ERC2: variants seen among roughly 807,000 people sequenced by gnomAD.
ERC2 encodes ELKS/RAB6-interacting/CAST family member 2.
A neutral mutation model predicts 114.8 loss-of-function variants in ERC2; 42 were observed. The ratio of observed to expected loss-of-function variants is 0.37; its 90% CI spans 0.29 to 0.47. The LOEUF (loss-of-function observed/expected upper bound fraction) is 0.47. Among genes scored for constraint, ERC2 ranks in the 20% least tolerant of loss-of-function variants. ERC2 has a pLI of 0.99. For missense variants in ERC2, 939 were observed against 1,150.7 expected (o/e 0.82, Z 2.66); for synonymous variants, 454 against 425.5 (o/e 1.07, Z -0.82).
At chr3:56,001,516 G>GGA (rs1184838815) in intron 10 of ERC2, among the ~76,000 whole-genome samples, 3 of 152,044 alleles carry the variant, frequency 2.0e-5, no homozygotes, top group African/African-American at 7.2e-5. Context: ...ATTAACTTGA[G>GGA]GAGAAAAGTC....
chr3:56,455,917 T>A (rs1336635999), intron 1 of ERC2, among the ~76,000 whole-genome samples: 1 of 152,220 alleles, frequency 6.6e-6, no homozygotes, highest in African/African-American at 2.4e-5. Flanking sequence ...AGAGGTGGGC[T>A]GAGCCCACAA....
In ERC2 at chr3:55,767,871, T is replaced by C. The variant is rs140401853; in HGVS notation, c.2565-32953A>G. ...GAGTACCAAATGTAGGATGGTGATA[T>C]GGTTTGGATTTGTGTCCCTGCCCAA... On this transcript the variant is annotated intron_variant, in intron 14 of 17. Coordinates refer to ENST00000288221, the MANE Select transcript of ERC2 (RefSeq NM_015576.3). 9.5e-4 allele frequency among the ~76,000 whole-genome samples: 144 copies of C among 152,338 alleles called. 1 individual carries two copies. The highest frequency in any genetic ancestry group is 3.2e-3 in the African/African-American group (133 of 41,590).
intron 10 of ERC2, among the ~76,000 whole-genome samples, chr3:56,003,960 C>T (rs2149553832): frequency 6.6e-6 from 1 of 152,052 alleles, no homozygotes; most frequent in Non-Finnish European, 1.5e-5. Flanking sequence ...GGCTCAATGT[C>T]AAGGTGTACA....
At chr3:55,980,173 G>A (rs1362803090) in intron 12 of ERC2, among the ~76,000 whole-genome samples, 1 of 149,628 alleles carries the variant, frequency 6.7e-6, no homozygotes, top group East Asian at 1.9e-4. Context: ...AAAATCAGCT[G>A]ATTTCTGGGT....
intron 11 of ERC2, among the ~76,000 whole-genome samples, chr3:55,989,540 CT>C (rs1042986771): frequency 6.6e-6 from 1 of 152,184 alleles, no homozygotes; most frequent in African/African-American, 2.4e-5. Flanking sequence ...AGGCTGTATG[CT>C]GGCTGCTTGA....
intron 3 of ERC2, among the ~76,000 whole-genome samples, chr3:56,259,647 TTGATATGATATGATA>T (rs58550092): frequency 1.2e-3 from 174 of 144,100 alleles, no homozygotes; most frequent in Middle Eastern, 0.011. Flanking sequence ...TGGTACAGAT[TTGATATGATATGATA>T]TGATATGATA....
rs377490021 is a variant in ERC2 at position 55,833,482 on chromosome 3, A to T, written c.2564+54907T>A. Among the ~76,000 whole-genome samples, 15 of 152,316 alleles carry T rather than the reference A, an allele frequency of 9.8e-5. No individual in the cohort carries two copies. The East Asian group carries it at 1.5e-3, about 16-fold the overall frequency. ...ACATTCTTAAAGAAAAGAATTTTCAACCCAGAATTTCATATCCAGCCAAAC... is the reference window on the plus strand; with the variant it reads ...ACATTCTTAAAGAAAAGAATTTTCATCCCAGAATTTCATATCCAGCCAAAC... On this transcript the variant is annotated intron_variant, in intron 14 of 17. Transcript: ENST00000288221.
At chr3:55,846,684 T>TCTCC (rs1553702551) in intron 14 of ERC2, among the ~76,000 whole-genome samples, 2 of 131,392 alleles carry the variant, frequency 1.5e-5, no homozygotes, top group African/African-American at 2.9e-5. Context: ...TCTCTCTCTC[T>TCTCC]CTCTCTCTTT....
intron 17 of ERC2, chr3:55,606,568 A>G (rs907482719): frequency 1.3e-5 from 2 of 152,232 alleles, no homozygotes; most frequent in African/African-American, 4.8e-5. Flanking sequence ...CATCATGTGG[A>G]TGATGGACCT....
chr3:55,518,513 GT>G (rs1559587167), intron 17 of ERC2, among the ~76,000 whole-genome samples: 1 of 152,212 alleles, frequency 6.6e-6, no homozygotes, highest in East Asian at 1.9e-4. Context: ...AAGTGAAAAG[GT>G]GAAATCTAGT....
intron 3 of ERC2, among the ~76,000 whole-genome samples, chr3:56,227,875 A>T (rs1313927717): frequency 6.6e-6 from 1 of 152,244 alleles, no homozygotes; most frequent in African/African-American, 2.4e-5. Context: ...AAACAACTAC[A>T]TCATCAACAG....
chr3:55,624,370 T>C (rs1229510644), intron 17 of ERC2, among the ~76,000 whole-genome samples: 1 of 152,094 alleles, frequency 6.6e-6, no homozygotes, highest in African/African-American at 2.4e-5. Context: ...GAACTGACAA[T>C]GTGTCGCCAC....
At chr3:56,420,471 C>A (rs1420544106) in intron 2 of ERC2, among the ~76,000 whole-genome samples, 5 of 151,904 alleles carry the variant, frequency 3.3e-5, no homozygotes, top group Non-Finnish European at 5.9e-5. Context: ...AGCCACCATG[C>A]CTGGCCCAAT....
intron 2 of ERC2, among the ~76,000 whole-genome samples, chr3:56,356,451 A>G (rs1436236475): frequency 1.3e-5 from 2 of 152,156 alleles, no homozygotes; most frequent in Non-Finnish European, 2.9e-5. Context: ...GCCTGGTTCA[A>G]AGTTTGAGTT....
chr3:56,230,772 A>G lies in ERC2; in HGVS notation c.1075-57252T>C, dbSNP rs549322040. The stretch of plus-strand genomic sequence containing the variant: ...ATTTTATTGTTAGAGTAGGAGAAAA[A>G]GATAAACTCAAAATTGTGTCAAAAA... On this transcript the variant is annotated intron_variant, in intron 3 of 17. Transcript: ENST00000288221. 2.6e-5 allele frequency among the ~76,000 whole-genome samples: 4 copies of G among 152,354 alleles called. No homozygotes were observed. In the South Asian group the frequency reaches 8.3e-4, roughly 32 times the overall value.
chr3:55,879,699 G>A (rs1239905192), intron 14 of ERC2, among the ~76,000 whole-genome samples: 1 of 152,208 alleles, frequency 6.6e-6, no homozygotes, highest in Non-Finnish European at 1.5e-5. Flanking sequence ...TAACATACCA[G>A]TTGACCTATT....
intron 7 of ERC2, among the ~76,000 whole-genome samples, chr3:56,037,982 A>T (rs2074909973): frequency 6.6e-6 from 1 of 152,204 alleles, no homozygotes; most frequent in Admixed American, 6.5e-5. Context: ...TAAAACCCAC[A>T]ACCATAAAAA....
chr3:56,415,267 T>C (rs933589790), intron 2 of ERC2, among the ~76,000 whole-genome samples: 9 of 152,338 alleles, frequency 5.9e-5, no homozygotes, highest in Admixed American at 3.9e-4. Flanking sequence ...GATGGATGGA[T>C]GGATAGATAG....
chr3:56,419,691 T>A (rs2061312645), intron 2 of ERC2, among the ~76,000 whole-genome samples: 1 of 152,194 alleles, frequency 6.6e-6, no homozygotes, highest in Admixed American at 6.5e-5. Flanking sequence ...TCCCAACACA[T>A]GTGCAATATT....
Sources: gnomAD v4.1 joint callset for allele counts (sites outside exome capture counted in the v4.1 genomes callset) on GRCh38, gnomAD v4.1.1 for gene constraint, MANE v1.5 for transcripts, NCBI Gene and HGNC (gene_info 2026-07-23, HGNC 2026-07-21) for gene names.